Variants in DNAH14 observed in about 807,000 individuals in gnomAD.
The protein encoded by DNAH14 is dynein axonemal heavy chain 14.
Under a neutral mutation model 520.9 loss-of-function variants are expected in DNAH14, and 478 were observed. The ratio of observed to expected loss-of-function variants is 0.92; its 90% CI spans 0.85 to 0.99. The LOEUF (loss-of-function observed/expected upper bound fraction) is 0.99, where lower values mean the gene tolerates loss of function less well. Among genes scored for constraint, DNAH14 ranks in the 50% least tolerant of loss-of-function variants. DNAH14 has a pLI of 0.00. For missense variants in DNAH14, 4,831 were observed against 5,234.5 expected, an observed-to-expected ratio of 0.92 and a Z score of 2.38; for synonymous variants, 1,581 against 1,757.2, an observed-to-expected ratio of 0.90 and a Z score of 2.51.
intron 60 of DNAH14, among the ~76,000 whole-genome samples, chr1:225,314,934 G>A (rs2094439646): frequency 6.6e-6 from 1 of 152,096 alleles, no homozygotes; most frequent in Non-Finnish European, 1.5e-5. Context: ...CTCTTCTCGA[G>A]GAGTATCTTT....
rs1191779139 is a variant in DNAH14, at chr1:225,345,992, A to G, written c.10709A>G (p.Asp3570Gly). The G allele has an allele frequency of 3.2e-6, 5 of 1,550,936 alleles. No homozygotes were observed. The highest frequency in any genetic ancestry group is 4.4e-6 in the Non-Finnish European group (5 of 1,146,752). ...GSILDDDKIV[D>G]TLRKSKMTSN... ...ATATTAGATGATGACAAAATTGTAG[A>G]TACCTTAAGAAAATCCAAAATGACA... is the stretch of plus-strand genomic sequence containing the variant. Residue 3570 changes from aspartate to glycine, a missense_variant, in exon 70 of 86, where the codon GAT (aspartate) becomes GGT (glycine). Physicochemically the swap from Asp to Gly is moderately conservative, Grantham distance 94 (BLOSUM62 -1). Transcript: ENST00000682510.
intron 35 of DNAH14, among the ~76,000 whole-genome samples, chr1:225,167,488 T>C (rs2149197031): frequency 6.6e-6 from 1 of 152,366 alleles, no homozygotes; most frequent in African/African-American, 2.4e-5. Context: ...TTGTAAATTT[T>C]ATTTACTGTC....
At chr1:225,213,081 A>G (rs919883109) in intron 41 of DNAH14, among the ~76,000 whole-genome samples, 1 of 152,090 alleles carries the variant, frequency 6.6e-6, no homozygotes, top group Non-Finnish European at 1.5e-5. Context: ...GAATTAATTT[A>G]TGTATAAGAT....
At chr1:225,311,798 G>A (rs1044870296) in intron 60 of DNAH14, among the ~76,000 whole-genome samples, 1 of 152,070 alleles carries the variant, frequency 6.6e-6, no homozygotes, top group African/African-American at 2.4e-5. Context: ...TGTTCCATTG[G>A]TCTATATATC....
chr1:225,128,630 A>G (rs1436732659), intron 27 of DNAH14, among the ~76,000 whole-genome samples: 1 of 151,686 alleles, frequency 6.6e-6, no homozygotes, highest in Non-Finnish European at 1.5e-5. Flanking sequence ...TTCATGCTAA[A>G]AACTCTCAAT....
At chr1:225,160,174 T>G (rs1439093208) in intron 35 of DNAH14, among the ~76,000 whole-genome samples, 3 of 152,206 alleles carry the variant, frequency 2.0e-5, no homozygotes, top group East Asian at 3.8e-4. Flanking sequence ...TATATCCTGT[T>G]CTTCCTTCCT....
rs1270657547 is a variant in DNAH14, at chr1:225,051,490, C to A, written c.2119C>A (p.Leu707Ile). Residue 707 changes from leucine to isoleucine, a missense_variant, in exon 17 of 86, where the codon CTA (leucine) becomes ATA (isoleucine). Leu to Ile is a conservative substitution (Grantham distance 5). Transcript: ENST00000682510. ...LLTIIGNSMG[L>I]VNAYSHKFIK... ...GACTATTATTGGTAATTCAATGGGC[C>A]TAGTTAATGCTTACAGCCACAAGTT... The A allele has an allele frequency of 6.5e-7, 1 of 1,537,148 alleles. No homozygotes were observed.
intron 66 of DNAH14, among the ~76,000 whole-genome samples, chr1:225,335,081 A>G (rs370123953): frequency 1.3e-5 from 2 of 149,350 alleles, no homozygotes; most frequent in Non-Finnish European, 1.5e-5. Context: ...TAACGTACAT[A>G]TGTACATATA....
rs113300987 is a variant in DNAH14 at position 225,394,964 on chromosome 1, C to T, written c.13491+2513C>T. 1.8e-3 allele frequency among the ~76,000 whole-genome samples: 276 copies of T among 152,236 alleles called. 1 individual carries two copies. The highest frequency in any genetic ancestry group is 6.4e-3 in the African/African-American group (267 of 41,550). On this transcript the variant is annotated intron_variant, in intron 84 of 85. Transcript: ENST00000682510. Reference sequence around the variant, plus strand: ...ATTTTTTCATTGAAATGGCCCTTTCCCTACTTCAACTTTGTCATAGATCAA... The same window carrying T: ...ATTTTTTCATTGAAATGGCCCTTTCTCTACTTCAACTTTGTCATAGATCAA...
At chr1:224,949,108 C>A (rs1270915060) in intron 1 of DNAH14, among the ~76,000 whole-genome samples, 1 of 152,036 alleles carries the variant, frequency 6.6e-6, no homozygotes, top group Non-Finnish European at 1.5e-5. Context: ...GTTAAAAAAA[C>A]ACATATTTTT....
At chr1:225,263,072 G>C (rs536672678) in intron 46 of DNAH14, among the ~76,000 whole-genome samples, 1 of 151,620 alleles carries the variant, frequency 6.6e-6, no homozygotes, top group East Asian at 1.9e-4. Context: ...AAGTTCCCAA[G>C]CCTGTTAAAA....
chr1:225,268,266 C>A (rs2093191613), intron 49 of DNAH14, among the ~76,000 whole-genome samples: 1 of 152,096 alleles, frequency 6.6e-6, no homozygotes, highest in African/African-American at 2.4e-5. Context: ...AGGCCTTTGA[C>A]AAAATTCAAC....
rs191448935 is a variant in DNAH14 at position 225,037,356 on chromosome 1, A to C, written c.1359-1338A>C. On this transcript the variant is annotated intron_variant, in intron 11 of 85. Coordinates refer to ENST00000682510, the MANE Select transcript of DNAH14 (RefSeq NM_001367479.1). ...GTGATTTTCTCTGGTGATATGTTTT[A>C]ATTTCTTGCTTCTTATTTTTTGTGT... Among the ~76,000 whole-genome samples the C allele has an allele frequency of 3.2e-4, 48 of 151,848 alleles. 1 individual carries two copies. In the East Asian group the frequency reaches 8.5e-3, roughly 27 times the overall value.
intron 10 of DNAH14, among the ~76,000 whole-genome samples, chr1:225,008,473 A>G (rs1048787307): frequency 2.0e-5 from 3 of 151,416 alleles, no homozygotes; most frequent in Non-Finnish European, 4.4e-5. Flanking sequence ...TGGTATTTCT[A>G]GTTCTAGATC....
intron 84 of DNAH14, among the ~76,000 whole-genome samples, chr1:225,392,900 AC>A: frequency 6.6e-6 from 1 of 151,992 alleles, no homozygotes; most frequent in East Asian, 1.9e-4. Flanking sequence ...AGTGAGGGGG[AC>A]CCATGGAGGC....
Position 225,197,305 on chromosome 1 carries a change from C to T in DNAH14, c.5886+4394C>T, listed in dbSNP as rs191913026. Among the ~76,000 whole-genome samples the T allele has an allele frequency of 3.0e-4, 46 of 151,098 alleles. No homozygotes were observed. The East Asian group carries it at 3.7e-3, about 12-fold the overall frequency. ...CCATTTGTTGAGTAGGGTGTCCTTTCCCCATTTTATGTTTCTATTTGCTTT... is the reference window on the plus strand; with the variant it reads ...CCATTTGTTGAGTAGGGTGTCCTTTTCCCATTTTATGTTTCTATTTGCTTT... On this transcript the variant is annotated intron_variant, in intron 38 of 85. Coordinates refer to ENST00000682510, the MANE Select transcript of DNAH14 (RefSeq NM_001367479.1).
At chr1:225,213,625 C>G (rs1044119358) in intron 41 of DNAH14, among the ~76,000 whole-genome samples, 1 of 152,168 alleles carries the variant, frequency 6.6e-6, no homozygotes, top group African/African-American at 2.4e-5. Context: ...TCCTTCACAT[C>G]CCTTGTAAGT....
chr1:225,144,302 A>G (rs987932287), intron 28 of DNAH14, 95 bp from the exon 29 acceptor site: 13 of 952,506 alleles, frequency 1.4e-5, no homozygotes, highest in Non-Finnish European at 1.9e-5. Context: ...TTTTTAATCA[A>G]TGCTCCATTT....
At chr1:225,061,255 G>T (rs2070048040) in intron 17 of DNAH14, among the ~76,000 whole-genome samples, 2 of 152,198 alleles carry the variant, frequency 1.3e-5, no homozygotes, top group South Asian at 4.1e-4. Flanking sequence ...TTGCAGTTTG[G>T]TCTCAGACTG....
Sources: gnomAD v4.1 joint callset for allele counts (sites outside exome capture counted in the v4.1 genomes callset) on GRCh38, gnomAD v4.1.1 for gene constraint, MANE v1.5 for transcripts, NCBI Gene and HGNC (gene_info 2026-07-23, HGNC 2026-07-21) for gene names.